The following PVT1 variants were observed in gnomAD, a reference collection of about 807,000 sequenced individuals.
The protein encoded by PVT1 is Pvt1 oncogene.
intron 2 of PVT1, among the ~76,000 whole-genome samples, chr8:127,856,952 G>A (rs1815168151): frequency 1.3e-5 from 2 of 152,158 alleles, no homozygotes; most frequent in African/African-American, 4.8e-5. Context: ...AGGGCTGGGC[G>A]AGGTGGCTCA....
At chr8:127,924,217 T>C (rs901266850) in intron 3 of PVT1, among the ~76,000 whole-genome samples, 2 of 152,242 alleles carry the variant, frequency 1.3e-5, no homozygotes, top group Non-Finnish European at 2.9e-5. Flanking sequence ...GCTGGTGTTA[T>C]TCCTTCACAT....
chr8:127,913,042 G>T (rs1319493134), intron 3 of PVT1, among the ~76,000 whole-genome samples: 1 of 152,080 alleles, frequency 6.6e-6, no homozygotes, highest in Admixed American at 6.5e-5. Context: ...TAGAGATGGG[G>T]TTTTACCGTG....
chr8:127,843,736 C>T (rs905186993), intron 2 of PVT1, among the ~76,000 whole-genome samples: 7 of 134,170 alleles, frequency 5.2e-5, no homozygotes, highest in Admixed American at 1.6e-4. Context: ...TGAGCCACCA[C>T]GCCTGGCCTG....
intron 3 of PVT1, chr8:127,948,011 GA>G (rs1563647402): frequency 4.7e-6 from 2 of 429,820 alleles, no homozygotes; most frequent in Middle Eastern, 6.8e-4. Flanking sequence ...TCTTTAATCT[GA>G]AACTATCTGC....
At chr8:127,807,965 T>A (rs1814546323) in intron 2 of PVT1, among the ~76,000 whole-genome samples, 1 of 152,012 alleles carries the variant, frequency 6.6e-6, no homozygotes, top group South Asian at 2.1e-4. Flanking sequence ...AGACGGGGTT[T>A]CACTGTGTTA....
At chr8:128,032,857 T>G (rs748309817) in intron 4 of PVT1, among the ~76,000 whole-genome samples, 6 of 152,218 alleles carry the variant, frequency 3.9e-5, no homozygotes, top group Non-Finnish European at 8.8e-5. Flanking sequence ...AGACCACTCC[T>G]AGGTGAGTAA....
Position 127,856,790 on chromosome 8 carries a change from G to T in PVT1, n.373-33799G>T, listed in dbSNP as rs189835946. Among the ~76,000 whole-genome samples the T allele has an allele frequency of 1.4e-4, 21 of 152,332 alleles. No individual in the cohort carries two copies. The East Asian group carries it at 3.9e-3, about 28-fold the overall frequency. Reference sequence around the variant, plus strand: ...AAGGTTTAGAGAGTCACAGTAACTGGTCCTGGCTACACAGCCAGTCAGGAG... The same window carrying T: ...AAGGTTTAGAGAGTCACAGTAACTGTTCCTGGCTACACAGCCAGTCAGGAG... On this transcript the variant is annotated intron_variant and non_coding_transcript_variant, in intron 2 of 10. Coordinates refer to ENST00000651587, the Ensembl canonical transcript of PVT1.
At chr8:128,054,686 G>A (rs1586500110) in intron 4 of PVT1, among the ~76,000 whole-genome samples, 1 of 141,946 alleles carries the variant, frequency 7.0e-6, no homozygotes, top group Non-Finnish European at 1.5e-5. Context: ...GACAGATTCT[G>A]ACTGCAGTTT....
chr8:127,840,581 A>T (rs1010053981), intron 2 of PVT1, among the ~76,000 whole-genome samples: 2 of 152,220 alleles, frequency 1.3e-5, no homozygotes, highest in Non-Finnish European at 2.9e-5. Flanking sequence ...GGATGCCGGG[A>T]GACTGGCTCC....
chr8:128,020,403 A>G (rs1271694805), intron 4 of PVT1, among the ~76,000 whole-genome samples: 1 of 152,182 alleles, frequency 6.6e-6, no homozygotes, highest in African/African-American at 2.4e-5. Flanking sequence ...GATCAAGAAA[A>G]TGCCATGAAA....
intron 3 of PVT1, among the ~76,000 whole-genome samples, chr8:127,986,344 C>T (rs533013713): frequency 1.1e-4 from 16 of 152,284 alleles, no homozygotes; most frequent in African/African-American, 1.7e-4. Flanking sequence ...CAAAGCACAG[C>T]GTTGGGCCCA....
chr8:127,975,097 G>C (rs1019587784), intron 3 of PVT1, among the ~76,000 whole-genome samples: 3 of 152,192 alleles, frequency 2.0e-5, no homozygotes, highest in Non-Finnish European at 4.4e-5. Context: ...CTAGTAGTTT[G>C]CCGTTACACT....
At chr8:127,896,828 C>T (rs1455110138) in intron 3 of PVT1, among the ~76,000 whole-genome samples, 1 of 143,970 alleles carries the variant, frequency 6.9e-6, no homozygotes, top group Admixed American at 7.1e-5. Flanking sequence ...GTTTTAATCT[C>T]TCTGAGCCTC....
chr8:127,829,833 G>A (rs1345375539), intron 2 of PVT1, among the ~76,000 whole-genome samples: 1 of 152,162 alleles, frequency 6.6e-6, no homozygotes, highest in Admixed American at 6.5e-5. Context: ...TTGCAGTTCT[G>A]GAGGCTAGAA....
intron 3 of PVT1, among the ~76,000 whole-genome samples, chr8:127,955,467 A>C (rs533053794): frequency 6.6e-6 from 1 of 152,302 alleles, no homozygotes; most frequent in Admixed American, 6.5e-5. Flanking sequence ...ATTAATTTTC[A>C]TAGTAAGTGG....
At chr8:128,063,589 T>C (rs748160881) in intron 4 of PVT1, among the ~76,000 whole-genome samples, 2 of 152,000 alleles carry the variant, frequency 1.3e-5, no homozygotes, top group Non-Finnish European at 2.9e-5. Context: ...CAAGCAATTT[T>C]TGTGTGTGTG....
intron 2 of PVT1, among the ~76,000 whole-genome samples, chr8:127,806,769 A>C (rs1307287305): frequency 2.0e-5 from 3 of 152,122 alleles, no homozygotes; most frequent in Admixed American, 6.5e-5. Flanking sequence ...CCTTTTTCAG[A>C]GTGTCCTATA....
intron 4 of PVT1, among the ~76,000 whole-genome samples, chr8:128,068,059 A>C (rs1813932481): frequency 1.4e-5 from 2 of 145,822 alleles, no homozygotes; most frequent in South Asian, 2.2e-4. Flanking sequence ...CCCAATTACA[A>C]CTCTTGCCTT....
chr8:127,962,644 T>C (rs1816658354), intron 3 of PVT1, among the ~76,000 whole-genome samples: 1 of 152,122 alleles, frequency 6.6e-6, no homozygotes, highest in Admixed American at 6.5e-5. Context: ...TTGACGAGGC[T>C]GGAGTGCGGG....
Sources: gnomAD v4.1 joint callset for allele counts (sites outside exome capture counted in the v4.1 genomes callset) on GRCh38, gnomAD v4.1.1 for gene constraint, MANE v1.5 for transcripts, NCBI Gene and HGNC (gene_info 2026-07-23, HGNC 2026-07-21) for gene names.